The following GPC5 variants were observed in gnomAD, a reference collection of about 807,000 sequenced individuals.
The protein encoded by GPC5 is glypican-5.
In GPC5, 47 loss-of-function variants were observed where a neutral mutation model predicts 53.9. The ratio of observed to expected loss-of-function variants is 0.87; its 90% CI spans 0.69 to 1.11. GPC5 has a LOEUF of 1.11. Ranked by LOEUF, GPC5 falls within the 50% of genes most tolerant of loss-of-function variation. The probability of loss-of-function intolerance (pLI) is 0.00; values close to 1 mark genes in which losing one functional copy is unlikely to be tolerated. For synonymous variants in GPC5, 286 were observed against 263.3 expected (o/e 1.09, Z -0.84); for missense variants, 748 against 713.1 (o/e 1.05, Z -0.56).
At position 91,586,918 on chromosome 13, in the gene GPC5, A is replaced by G. The variant is rs75194458; in HGVS notation, c.326-106269A>G. Among the ~76,000 whole-genome samples the G allele has an allele frequency of 6.1e-3, 926 of 152,194 alleles. 8 individuals are homozygous for G. Among genetic ancestry groups the G allele is most frequent in the African/African-American group, 0.022 (894 of 41,534 alleles). On this transcript the variant is annotated intron_variant, in intron 2 of 7. Transcript: ENST00000377067. ...TGTAAATACATTTAGACATATGTTTATAATAAATTTGGGGTAACAGGCTAG... is the reference window on the plus strand; with the variant it reads ...TGTAAATACATTTAGACATATGTTTGTAATAAATTTGGGGTAACAGGCTAG...
At chr13:91,401,644 T>C (rs925861453) in intron 1 of GPC5, among the ~76,000 whole-genome samples, 7 of 152,248 alleles carry the variant, frequency 4.6e-5, no homozygotes, top group Non-Finnish European at 8.8e-5. Context: ...CCCTGAGATG[T>C]CTAGCCAAAA....
At chr13:92,342,220 A>G (rs2139250508) in intron 7 of GPC5, among the ~76,000 whole-genome samples, 1 of 152,220 alleles carries the variant, frequency 6.6e-6, no homozygotes, top group African/African-American at 2.4e-5. Flanking sequence ...CATGGTGCCC[A>G]CTGCTCTGAG....
At chr13:91,779,578 C>G (rs2037764594) in intron 5 of GPC5, among the ~76,000 whole-genome samples, 1 of 152,146 alleles carries the variant, frequency 6.6e-6, no homozygotes, top group South Asian at 2.1e-4. Flanking sequence ...CCAGGCTGGT[C>G]TCAAACTCCT....
intron 7 of GPC5, among the ~76,000 whole-genome samples, chr13:92,707,137 G>A (rs1887979246): frequency 6.8e-6 from 1 of 147,558 alleles, no homozygotes; most frequent in Admixed American, 6.7e-5. Context: ...GCAGCCTCCA[G>A]AACTATATGA....
intron 6 of GPC5, among the ~76,000 whole-genome samples, chr13:91,947,524 C>T (rs9589375): frequency 0.11 from 16,979 of 152,060 alleles, 1,677 homozygotes; most frequent in African/African-American, 0.27. Flanking sequence ...TTTCACCACC[C>T]CATTGTAGAA....
At chr13:91,466,295 T>C (rs1882234252) in intron 2 of GPC5, among the ~76,000 whole-genome samples, 2 of 152,144 alleles carry the variant, frequency 1.3e-5, no homozygotes, top group East Asian at 3.9e-4. Flanking sequence ...GTGCGCTGTA[T>C]GTAAGTCCTA....
intron 7 of GPC5, among the ~76,000 whole-genome samples, chr13:92,244,285 A>C (rs1300601248): frequency 6.6e-6 from 1 of 152,188 alleles, no homozygotes; most frequent in Non-Finnish European, 1.5e-5. Flanking sequence ...TTTTATGTTT[A>C]ATTCTGATTT....
At chr13:91,687,679 G>T (rs1479275357) in intron 2 of GPC5, among the ~76,000 whole-genome samples, 1 of 151,972 alleles carries the variant, frequency 6.6e-6, no homozygotes, top group Non-Finnish European at 1.5e-5. Flanking sequence ...TGTCTTGATA[G>T]ACTTATTCTG....
At chr13:92,349,049 T>C (rs940799350) in intron 7 of GPC5, among the ~76,000 whole-genome samples, 1 of 151,722 alleles carries the variant, frequency 6.6e-6, no homozygotes, top group African/African-American at 2.4e-5. Flanking sequence ...AGGAAGGAAA[T>C]AATAAAGATT....
intron 4 of GPC5, among the ~76,000 whole-genome samples, chr13:91,737,441 C>T (rs2036839493): frequency 6.6e-6 from 1 of 150,478 alleles, no homozygotes; most frequent in South Asian, 2.1e-4. Context: ...CAAACCAAAA[C>T]CATTAAAGGA....
chr13:91,945,022 C>CTA (rs1393000684), intron 6 of GPC5, among the ~76,000 whole-genome samples: 3 of 152,194 alleles, frequency 2.0e-5, no homozygotes, highest in African/African-American at 7.2e-5. Flanking sequence ...TAGTCCCACA[C>CTA]AGAGATATAT....
At chr13:92,583,715 C>A (rs765190712) in intron 7 of GPC5, among the ~76,000 whole-genome samples, 31 of 152,272 alleles carry the variant, frequency 2.0e-4, no homozygotes, top group Middle Eastern at 3.4e-3. Context: ...GGAATAGTTT[C>A]CTCTTATCTT....
At chr13:91,549,086 T>C (rs994468430) in intron 2 of GPC5, among the ~76,000 whole-genome samples, 1 of 152,000 alleles carries the variant, frequency 6.6e-6, no homozygotes, top group African/African-American at 2.4e-5. Flanking sequence ...CTGGCCAATA[T>C]GGTGAAATGC....
At chr13:92,149,982 T>C (rs1405131266) in intron 7 of GPC5, among the ~76,000 whole-genome samples, 5 of 152,022 alleles carry the variant, frequency 3.3e-5, no homozygotes, top group African/African-American at 7.2e-5. Flanking sequence ...ATGCATATTC[T>C]TTCTAAAATT....
At chr13:92,362,498 G>C (rs1283154169) in intron 7 of GPC5, among the ~76,000 whole-genome samples, 1 of 151,770 alleles carries the variant, frequency 6.6e-6, no homozygotes, top group Non-Finnish European at 1.5e-5. Flanking sequence ...GCAAGATTTT[G>C]TTCTATGACG....
chr13:92,563,703 G>T (rs1882771703), intron 7 of GPC5, among the ~76,000 whole-genome samples: 1 of 151,910 alleles, frequency 6.6e-6, no homozygotes, highest in South Asian at 2.1e-4. Context: ...GTGGTAAATA[G>T]GATTAAGTTC....
chr13:92,314,563 G>A lies in GPC5; in HGVS notation c.1561+169574G>A, dbSNP rs78949362. Among the ~76,000 whole-genome samples, 102 of 152,172 alleles carry A rather than the reference G, an allele frequency of 6.7e-4. No individual in the cohort carries two copies. In the East Asian group the frequency reaches 9.1e-3, roughly 14 times the overall value. On this transcript the variant is annotated intron_variant, in intron 7 of 7. Transcript: ENST00000377067. ...GTTTAGGCATTCCATGTGTAGCATCGCTGGGGCAGCAAATGGAAAAAGGCC... is the reference window on the plus strand; with the variant it reads ...GTTTAGGCATTCCATGTGTAGCATCACTGGGGCAGCAAATGGAAAAAGGCC...
chr13:92,526,692 T>A (rs1566276103), intron 7 of GPC5, among the ~76,000 whole-genome samples: 2 of 151,954 alleles, frequency 1.3e-5, no homozygotes, highest in Admixed American at 6.6e-5. Flanking sequence ...GGAAAACCAA[T>A]TAGAAGACTT....
chr13:92,449,140 A>T (rs1391864321), intron 7 of GPC5: 4 of 152,064 alleles, frequency 2.6e-5, no homozygotes, highest in African/African-American at 9.7e-5. Context: ...GGTCTTTCAA[A>T]AATGTGATAT....
Sources: allele counts gnomAD v4.1 joint callset (sites outside exome capture counted in the v4.1 genomes callset), GRCh38; gene constraint gnomAD v4.1.1; transcripts MANE v1.5; gene names NCBI Gene and HGNC (gene_info 2026-07-23, HGNC 2026-07-21).